Variants in ASAP3 observed in about 807,000 individuals in gnomAD.
The protein encoded by ASAP3 is ArfGAP with SH3 domain, ankyrin repeat and PH domain 3.
In ASAP3, 85 loss-of-function variants were observed where a neutral mutation model predicts 118.2. The ratio of observed to expected loss-of-function variants is 0.72; its 90% CI spans 0.60 to 0.86. The LOEUF is 0.86. ASAP3 is among the 40% of genes least tolerant of loss of function. ASAP3 has a pLI of 0.00. For missense variants in ASAP3, 1,026 were observed against 1,175.0 expected, an observed-to-expected ratio of 0.87 and a Z score of 1.85; for synonymous variants, 432 against 477.4, an observed-to-expected ratio of 0.90 and a Z score of 1.24.
At chr1:23,432,571 C>T (rs573448143) in intron 22 of ASAP3, among the ~76,000 whole-genome samples, 5 of 152,378 alleles carry the variant, frequency 3.3e-5, no homozygotes, top group Middle Eastern at 3.4e-3. Flanking sequence ...CCTCCCACAA[C>T]AAGTCTGTTC....
chr1:23,442,964 A>G (rs1640926222), intron 5 of ASAP3, among the ~76,000 whole-genome samples: 1 of 152,206 alleles, frequency 6.6e-6, no homozygotes, highest in Non-Finnish European at 1.5e-5. Flanking sequence ...CCAAGGCAGG[A>G]GCGAGTGCCA....
chr1:23,465,851 T>C (rs971569298), intron 1 of ASAP3, among the ~76,000 whole-genome samples: 1 of 152,144 alleles, frequency 6.6e-6, no homozygotes, highest in Non-Finnish European at 1.5e-5. Context: ...GCCAATGTTC[T>C]TTCCCCATCT....
intron 1 of ASAP3, among the ~76,000 whole-genome samples, chr1:23,465,253 G>A (rs1374761393): frequency 3.3e-5 from 5 of 152,144 alleles, no homozygotes; most frequent in Admixed American, 6.5e-5. Flanking sequence ...GTTGATCCTC[G>A]TCAGCAAGCT....
intron 22 of ASAP3, among the ~76,000 whole-genome samples, chr1:23,432,309 G>A (rs1030423222): frequency 6.6e-6 from 1 of 152,070 alleles, no homozygotes; most frequent in Non-Finnish European, 1.5e-5. Flanking sequence ...ATCTGGCCTA[G>A]GATCTCTTCT....
intron 1 of ASAP3, among the ~76,000 whole-genome samples, chr1:23,474,899 C>A (rs2148661312): frequency 6.6e-6 from 1 of 152,204 alleles, no homozygotes; most frequent in South Asian, 2.1e-4. Context: ...GCTTTAAGTA[C>A]CAGTTCAAGC....
intron 1 of ASAP3, among the ~76,000 whole-genome samples, chr1:23,480,954 AAG>A: frequency 6.6e-6 from 1 of 152,242 alleles, no homozygotes; most frequent in Non-Finnish European, 1.5e-5. Flanking sequence ...GGGAGTGATT[AAG>A]AGATCCATTT....
At chr1:23,431,618 T>C in intron 23 of ASAP3, 78 bp downstream of exon 23, 6 of 1,324,530 alleles carry the variant, frequency 4.5e-6, no homozygotes, top group Non-Finnish European at 6.2e-6. Context: ...GCAGGTACTA[T>C]TTAGAGGTGT....
rs1299448088 is a variant in ASAP3, at chr1:23,442,174, G to A, written c.671+12C>T. 2 of 1,589,362 alleles carry A rather than the reference G, an allele frequency of 1.3e-6. No homozygotes were observed. Among genetic ancestry groups the A allele is most frequent in the East Asian group, 4.5e-5 (2 of 44,290 alleles). ...GGAAGGGTTAGTGGCAGGGACGCGG[G>A]AAGATACCTACTTGTGCTGGGCGTG... is the stretch of plus-strand genomic sequence containing the variant. On this transcript the variant is annotated intron_variant, in intron 7 of 24. Coordinates refer to ENST00000336689, the MANE Select transcript of ASAP3 (RefSeq NM_017707.4).
At chr1:23,472,954 TG>T (rs1642007187) in intron 1 of ASAP3, among the ~76,000 whole-genome samples, 1 of 152,188 alleles carries the variant, frequency 6.6e-6, no homozygotes, top group Non-Finnish European at 1.5e-5. Flanking sequence ...AACCCAAGTC[TG>T]TCTGACTTTA....
rs76167962 is a variant in ASAP3, at chr1:23,430,369, CA to C, written c.2638-440del. Among the ~76,000 whole-genome samples the C allele has an allele frequency of 2.2e-3, 336 of 152,326 alleles. 9 individuals are homozygous for C. The East Asian group carries it at 0.06, about 27-fold the overall frequency. ...GACAGAAGAGGCTTCTTTCCCAACA[CA>C]ACTGGCTCTGATCTGTGCCCACTCC... On this transcript the variant is annotated intron_variant, in intron 24 of 24. Transcript: ENST00000336689.
rs1184978158 is a variant in ASAP3 at position 23,436,125 on chromosome 1, A to G, written c.1572-97T>C. The G allele has an allele frequency of 2.2e-6, 3 of 1,384,906 alleles. No homozygotes were observed. Among genetic ancestry groups the G allele is most frequent in the South Asian group, 1.2e-5 (1 of 81,602 alleles). 85.8% of individuals were successfully genotyped at this position (1,384,906 alleles called of 1,614,324 possible). ...AGGAGATACAGCTCTCTTTTTCTCCAGAACCATGTCCTGAAGACGTCTAGA... is the reference window on the plus strand; with the variant it reads ...AGGAGATACAGCTCTCTTTTTCTCCGGAACCATGTCCTGAAGACGTCTAGA... On this transcript the variant is annotated intron_variant, in intron 16 of 24. Transcript: ENST00000336689. This position sits in a 1 kb window ranked among gnomAD's most constrained non-coding sequence, Gnocchi z 4.2.
At position 23,437,043 on chromosome 1, in the gene ASAP3, G is replaced by A; in HGVS notation, c.1344C>T (p.Asp448=). Residue 448 remains aspartate (D), a splice_region_variant and synonymous_variant, in exon 15 of 25, where the codon GAC becomes GAT. Coordinates refer to ENST00000336689, the MANE Select transcript of ASAP3 (RefSeq NM_017707.4). This position sits in a 1 kb window ranked among gnomAD's most constrained non-coding sequence, Gnocchi z 6.1. ...NSQCCDCGAA[D]PTWLSTNLGV... Reference sequence around the variant, plus strand: ...CCAGGTTGGTGCTGAGCCACGTGGGGTCTGCAGAGGAAAGCAGCTGGAGCC... The same window carrying A: ...CCAGGTTGGTGCTGAGCCACGTGGGATCTGCAGAGGAAAGCAGCTGGAGCC... 6.2e-7 allele frequency: 1 copy of A among 1,610,220 alleles called. No homozygotes were observed. Among genetic ancestry groups the A allele is most frequent in the Non-Finnish European group, 8.5e-7 (1 of 1,178,702 alleles).
Position 23,433,408 on chromosome 1 carries a change from A to G in ASAP3, c.2127+17T>C, listed in dbSNP as rs1274329702. 6.2e-7 allele frequency: 1 copy of G among 1,614,090 alleles called. No homozygotes were observed. The highest frequency in any genetic ancestry group is 8.5e-7 in the Non-Finnish European group (1 of 1,180,016). Reference sequence around the variant, plus strand: ...CTTCTGCCATCCAGAGGCCTGAGGGACAGGGCTGGGACCCACCTTCTCTTC... The same window carrying G: ...CTTCTGCCATCCAGAGGCCTGAGGGGCAGGGCTGGGACCCACCTTCTCTTC... On this transcript the variant is annotated intron_variant, in intron 21 of 24. Coordinates refer to ENST00000336689, the MANE Select transcript of ASAP3 (RefSeq NM_017707.4).
chr1:23,480,228 T>C (rs1169317615), intron 1 of ASAP3: 1 of 152,186 alleles, frequency 6.6e-6, no homozygotes, highest in East Asian at 1.9e-4. Flanking sequence ...ATTTCAAAAA[T>C]ATATACAAAA....
rs564780538 is a variant in ASAP3 at position 23,472,582 on chromosome 1, C to T, written c.129+11423G>A. On this transcript the variant is annotated intron_variant, in intron 1 of 24. Coordinates refer to ENST00000336689, the MANE Select transcript of ASAP3 (RefSeq NM_017707.4). ...AGGCTTAGCTGTTCATTCCCCAAAA[C>T]CTCCAAGGTACATAAGGTTTCTCTT... 1.3e-4 allele frequency among the ~76,000 whole-genome samples: 20 copies of T among 152,312 alleles called. 1 individual carries two copies. In the East Asian group the frequency reaches 1.9e-3, roughly 15 times the overall value.
chr1:23,479,458 C>G (rs1379365404), intron 1 of ASAP3, among the ~76,000 whole-genome samples: 1 of 152,134 alleles, frequency 6.6e-6, no homozygotes, highest in Non-Finnish European at 1.5e-5. Flanking sequence ...GATCAAAAAA[C>G]AAACAAACAA....
intron 1 of ASAP3, among the ~76,000 whole-genome samples, chr1:23,468,601 G>A (rs184740976): frequency 3.3e-5 from 5 of 152,160 alleles, no homozygotes; most frequent in South Asian, 4.1e-4. Context: ...GGCAGGGTGC[G>A]GTGGCTCACG....
intron 1 of ASAP3, among the ~76,000 whole-genome samples, chr1:23,461,820 A>C (rs371696891): frequency 6.6e-6 from 1 of 152,204 alleles, no homozygotes; most frequent in African/African-American, 2.4e-5. Flanking sequence ...TGGATGGCGG[A>C]GCAACAAGAT....
chr1:23,437,244 C>A lies in ASAP3; in HGVS notation c.1228G>T (p.Gly410Trp). 1 of 1,591,236 alleles carries A rather than the reference C, an allele frequency of 6.3e-7. No homozygotes were observed. Among genetic ancestry groups the A allele is most frequent in the Non-Finnish European group, 8.6e-7 (1 of 1,169,124 alleles). Residue 410 changes from glycine (G) to tryptophan (W), a missense_variant, in exon 14 of 25, where the codon GGG becomes TGG. Physicochemically the swap from Gly to Trp is radical, Grantham distance 184. Coordinates refer to ENST00000336689, the MANE Select transcript of ASAP3 (RefSeq NM_017707.4). The surrounding 1 kb of genome is among the most constrained non-coding windows in gnomAD (Gnocchi z 6.1). ...AFLGEPSAGP[G>W]SWGSAGHDGE... ...TCATGGCCGGCGGACCCCCAGGACC[C>A]CGGGCCAGCGCTGGGCTCCCCGAGG...
Sources: gnomAD v4.1 joint callset for allele counts (sites outside exome capture counted in the v4.1 genomes callset) on GRCh38, gnomAD v4.1.1 for gene constraint, Gnocchi (gnomAD v3.1) non-coding constraint, MANE v1.5 for transcripts, NCBI Gene and HGNC (gene_info 2026-07-23, HGNC 2026-07-21) for gene names.